Variants in PACS2 observed in about 807,000 individuals in gnomAD.
PACS2 encodes phosphofurin acidic cluster sorting protein 2, also known as PACS1-like protein.
In PACS2, 36 loss-of-function variants were observed where a neutral mutation model predicts 113.0. The ratio of observed to expected loss-of-function variants is 0.32; its 90% CI spans 0.24 to 0.42. PACS2 has a LOEUF of 0.42. Ranked by LOEUF, PACS2 falls within the 10% of genes least tolerant of loss-of-function variation. The probability of loss-of-function intolerance (pLI) is 1.00; values close to 1 mark genes in which losing one functional copy is unlikely to be tolerated. For missense variants in PACS2, 1,015 were observed against 1,239.5 expected (o/e 0.82, Z 2.72); for synonymous variants, 589 against 536.1 (o/e 1.10, Z -1.36).
At chr14:105,302,943 CT>C (rs60827892) in intron 1 of PACS2, among the ~76,000 whole-genome samples, 45,283 of 146,564 alleles carry the variant, frequency 0.31, 7,110 homozygotes, top group African/African-American at 0.39. Flanking sequence ...TTCTCTAGTT[CT>C]TTTTTTTTTT....
In PACS2 at chr14:105,321,974, G is replaced by A. The variant is rs587744307; in HGVS notation, c.119+6937G>A. Among the ~76,000 whole-genome samples, 514 of 150,382 alleles carry A rather than the reference G, an allele frequency of 3.4e-3. 1 individual carries two copies. Among genetic ancestry groups the A allele is most frequent in the Non-Finnish European group, 5.6e-3 (379 of 67,774 alleles). ...TTTTTTTTTGAGACAGAGTCTCGCT[G>A]TGTCGCCAGGCTGGAGTACAGTCGT... On this transcript the variant is annotated intron_variant, in intron 1 of 24. Coordinates refer to ENST00000447393, the MANE Select transcript of PACS2 (RefSeq NM_001100913.3).
intron 1 of PACS2, among the ~76,000 whole-genome samples, chr14:105,335,004 C>T (rs587681135): frequency 2.0e-5 from 3 of 152,336 alleles, no homozygotes; most frequent in Non-Finnish European, 2.9e-5. Flanking sequence ...TTGGGCTGGA[C>T]GTGTAGGAAC....
chr14:105,383,958 T>C (rs1418293768), intron 16 of PACS2: 1 of 285,952 alleles, frequency 3.5e-6, no homozygotes, highest in Non-Finnish European at 6.6e-6. Flanking sequence ...GTCCATACGA[T>C]GTGTCTTACC....
At chr14:105,383,650 C>T (rs1555412796) in intron 16 of PACS2, 137 bp downstream of exon 16, 3 of 717,462 alleles carry the variant, frequency 4.2e-6, no homozygotes, top group Non-Finnish European at 6.7e-6. Flanking sequence ...CGCGGTGTGG[C>T]ATGGCGTGGT....
chr14:105,397,354 T>A lies in PACS2; in HGVS notation c.*2682T>A, dbSNP rs2081556411. Reference sequence around the variant, plus strand: ...CAGTGCGGTAAGGGCGGGGGATGTGTGTGTGAGGTGTGCACACCCCCCGAG... The same window carrying A: ...CAGTGCGGTAAGGGCGGGGGATGTGAGTGTGAGGTGTGCACACCCCCCGAG... On this transcript the variant is annotated 3_prime_UTR_variant, in exon 25 of 25. Transcript: ENST00000447393. 1 of 152,338 alleles carries A rather than the reference T, an allele frequency of 6.6e-6. No individual in the cohort carries two copies. Among genetic ancestry groups the A allele is most frequent in the South Asian group, 2.1e-4 (1 of 4,828 alleles). 9.4% of individuals were successfully genotyped at this position (152,338 alleles called of 1,614,324 possible). A position where few individuals can be genotyped will look rare whatever the true frequency, so the allele number is the denominator to read the frequency against.
At chr14:105,362,604 A>G (rs1464567419) in intron 4 of PACS2, among the ~76,000 whole-genome samples, 1 of 151,972 alleles carries the variant, frequency 6.6e-6, no homozygotes, top group Non-Finnish European at 1.5e-5. Flanking sequence ...TAATCCCAGC[A>G]CTTTGGGAGG....
chr14:105,368,017 C>A, intron 5 of PACS2, 57 bp from the exon 6 acceptor site: 1 of 1,197,408 alleles, frequency 8.4e-7, no homozygotes, highest in Non-Finnish European at 1.2e-6. Flanking sequence ...GTGGTCACTG[C>A]CTGGTTTCCC....
rs587738576 is a variant in PACS2, at chr14:105,315,775, T to C, written c.119+738T>C. Among the ~76,000 whole-genome samples the C allele has an allele frequency of 6.6e-4, 100 of 152,322 alleles. No homozygotes were observed. Among genetic ancestry groups the C allele is most frequent in the African/African-American group, 2.4e-3 (100 of 41,576 alleles). On this transcript the variant is annotated intron_variant, in intron 1 of 24. Coordinates refer to ENST00000447393, the MANE Select transcript of PACS2 (RefSeq NM_001100913.3). This position sits in a 1 kb window ranked among gnomAD's most constrained non-coding sequence, Gnocchi z 4.4. ...GAGTCTCCTGCTCAGTTTGAAACTT[T>C]TGTAATTTCTTCGTGACTTGGTAGT... is the stretch of plus-strand genomic sequence containing the variant.
In PACS2 at chr14:105,391,773, G is replaced by A. The variant is rs2081365891; in HGVS notation, c.2255+7G>A. ...GAGGCCTGTCCTCCCCCAGGTAAAGGTGCCTCACGGCTCAGCACGTTTCAC... is the reference window on the plus strand; with the variant it reads ...GAGGCCTGTCCTCCCCCAGGTAAAGATGCCTCACGGCTCAGCACGTTTCAC... On this transcript the variant is annotated splice_region_variant and intron_variant, in intron 22 of 24. Transcript: ENST00000447393. The A allele has an allele frequency of 6.3e-7, 1 of 1,588,918 alleles. No individual in the cohort carries two copies. The highest frequency in any genetic ancestry group is 1.8e-5 in the Admixed American group (1 of 56,274).
chr14:105,391,196 T>C lies in PACS2; in HGVS notation c.2077-11T>C. On this transcript the variant is annotated splice_polypyrimidine_tract_variant and intron_variant, in intron 20 of 24. Coordinates refer to ENST00000447393, the MANE Select transcript of PACS2 (RefSeq NM_001100913.3). The stretch of plus-strand genomic sequence containing the variant: ...CACGGCTTTCACCAGCCAGTGCCTG[T>C]TGTTTTCTAGGTTGTGAAGGTTGGA... 1 of 1,611,406 alleles carries C rather than the reference T, an allele frequency of 6.2e-7. No individual in the cohort carries two copies. The highest frequency in any genetic ancestry group is 8.5e-7 in the Non-Finnish European group (1 of 1,177,784).
At chr14:105,333,018 T>C (rs1325832632) in intron 1 of PACS2, among the ~76,000 whole-genome samples, 1 of 152,060 alleles carries the variant, frequency 6.6e-6, no homozygotes, top group East Asian at 1.9e-4. Context: ...GTTTCTCCTC[T>C]CTGTGGGACG....
chr14:105,308,652 T>G (rs1202275130), intron 1 of PACS2, among the ~76,000 whole-genome samples: 1 of 150,912 alleles, frequency 6.6e-6, no homozygotes, highest in African/African-American at 2.4e-5. Context: ...CCAGCTAAGT[T>G]TTGCAGTTTT....
At chr14:105,350,191 G>C (rs587760556) in intron 2 of PACS2, among the ~76,000 whole-genome samples, 2 of 152,288 alleles carry the variant, frequency 1.3e-5, no homozygotes, top group East Asian at 1.9e-4. Flanking sequence ...GGAGCTCTCT[G>C]TGGGCCATTG....
chr14:105,376,857 C>T lies in PACS2; in HGVS notation c.891C>T (p.His297=), dbSNP rs1555410591. The T allele has an allele frequency of 6.2e-7, 1 of 1,613,046 alleles. No homozygotes were observed. Among genetic ancestry groups the T allele is most frequent in the African/African-American group, 1.3e-5 (1 of 74,916 alleles). Residue 297 remains histidine (H), a synonymous_variant, in exon 9 of 25, where the codon CAC becomes CAT. Coordinates refer to ENST00000447393, the MANE Select transcript of PACS2 (RefSeq NM_001100913.3). The surrounding 1 kb of genome is among the most constrained non-coding windows in gnomAD (Gnocchi z 4.7). ...TGTATGACACCCTGGACATGGAGCA[C>T]CCCAGCGACAGCGGCCCCGACATGG... ...DLLYDTLDME[H]PSDSGPDMED...
chr14:105,318,566 C>A (rs982174614), intron 1 of PACS2, among the ~76,000 whole-genome samples: 1 of 151,882 alleles, frequency 6.6e-6, no homozygotes, highest in Non-Finnish European at 1.5e-5. Context: ...TTTCCTGCCT[C>A]AGCCTCCCAA....
At chr14:105,385,762 T>C in intron 19 of PACS2, 45 bp downstream of exon 19, 7 of 1,322,638 alleles carry the variant, frequency 5.3e-6, no homozygotes, top group Non-Finnish European at 7.1e-6. Context: ...GTCCCCAGGC[T>C]GGTCTTCAGG....
rs372825833 is a variant in PACS2 at position 105,323,589 on chromosome 14, C to T, written c.119+8552C>T. ...GTTTCATTTTGAGTGGTGGGGAAGT[C>T]GCTGGACTATTTCAAGTGTGTGTAT... On this transcript the variant is annotated intron_variant, in intron 1 of 24. Coordinates refer to ENST00000447393, the MANE Select transcript of PACS2 (RefSeq NM_001100913.3). This position sits in a 1 kb window ranked among gnomAD's most constrained non-coding sequence, Gnocchi z 4.1. 3.3e-5 allele frequency among the ~76,000 whole-genome samples: 5 copies of T among 152,308 alleles called. No individual in the cohort carries two copies. The highest frequency in any genetic ancestry group is 2.0e-4 in the Admixed American group (3 of 15,298).
intron 13 of PACS2, among the ~76,000 whole-genome samples, 171 bp downstream of exon 13, chr14:105,382,229 G>A (rs2081019869): frequency 6.6e-6 from 1 of 152,226 alleles, no homozygotes; most frequent in East Asian, 1.9e-4. Context: ...CCATGGGTTG[G>A]TTTGTCAGGA....
intron 8 of PACS2, chr14:105,372,279 A>G (rs1595730293): frequency 6.6e-6 from 1 of 152,158 alleles, no homozygotes; most frequent in East Asian, 1.9e-4. Flanking sequence ...TGCCTTCTGA[A>G]TTTTTCATTG....
Sources: gnomAD v4.1 joint callset for allele counts (sites outside exome capture counted in the v4.1 genomes callset) on GRCh38, gnomAD v4.1.1 for gene constraint, Gnocchi (gnomAD v3.1) non-coding constraint, MANE v1.5 for transcripts, NCBI Gene and HGNC (gene_info 2026-07-23, HGNC 2026-07-21) for gene names.